The following CCND3 variants were observed in gnomAD, a reference collection of about 807,000 sequenced individuals.
CCND3 encodes cyclin D3, also known as G1/S-specific cyclin-D3.
A neutral mutation model predicts 28.7 loss-of-function variants in CCND3; 9 were observed. That is an observed-to-expected ratio of 0.31 (90% CI 0.19 to 0.55). CCND3 has a LOEUF of 0.55. Ranked by LOEUF, CCND3 falls within the 20% of genes least tolerant of loss-of-function variation. The pLI, the probability that CCND3 is intolerant of heterozygous loss-of-function variation, is 0.93. For synonymous variants in CCND3, 164 were observed against 163.9 expected (o/e 1.00, Z 0.00); for missense variants, 315 against 385.8 (o/e 0.82, Z 1.54).
At chr6:41,952,044 G>A (rs1776331205) in intron 1 of CCND3, among the ~76,000 whole-genome samples, 1 of 152,142 alleles carries the variant, frequency 6.6e-6, no homozygotes, top group Non-Finnish European at 1.5e-5. Context: ...TTACAGGCAT[G>A]AGCCACCACG....
chr6:41,936,003 G>A lies in CCND3; in HGVS notation c.816C>T (p.Gly272=). 6.2e-7 allele frequency: 1 copy of A among 1,613,514 alleles called. No homozygotes were observed. The highest frequency in any genetic ancestry group is 8.5e-7 in the Non-Finnish European group (1 of 1,179,804). ...SSSPAPKAPR[G]SSSQGPSQTS... is the part of the protein sequence containing the mutation. ...TCTGGCTGGGCCCTTGGCTGCTGGA[G>A]CCCCGGGGGGCTTTGGGCGCTGGGC... The change falls in exon 5 of 5, where the codon GGC becomes GGT. Residue 272 remains glycine, a synonymous_variant. Transcript: ENST00000372991. The surrounding 1 kb of genome is among the most constrained non-coding windows in gnomAD (Gnocchi z 4.4).
At chr6:41,986,020 T>C (rs148261419) in intron 1 of CCND3, among the ~76,000 whole-genome samples, 186 of 152,178 alleles carry the variant, frequency 1.2e-3, no homozygotes, top group African/African-American at 4.3e-3. Context: ...CCCAAAACCA[T>C]TTATTGAAGA....
chr6:41,990,601 T>G (rs537675628), intron 1 of CCND3, among the ~76,000 whole-genome samples: 1 of 148,634 alleles, frequency 6.7e-6, no homozygotes, highest in African/African-American at 2.5e-5. Context: ...AATAGACACA[T>G]AAACCAATAG....
At chr6:42,016,545 G>A (rs1763518699) in intron 1 of CCND3, among the ~76,000 whole-genome samples, 1 of 151,096 alleles carries the variant, frequency 6.6e-6, no homozygotes, top group South Asian at 2.1e-4. Context: ...ACGGTGCCTA[G>A]CATATGGTAA....
intron 1 of CCND3, among the ~76,000 whole-genome samples, chr6:41,961,625 C>A (rs187346828): frequency 6.6e-6 from 1 of 151,974 alleles, no homozygotes; most frequent in South Asian, 2.1e-4. Context: ...GTTAGCCTTC[C>A]GAACTGCTCC....
rs367556829 is a variant in CCND3 at position 42,048,683 on chromosome 6, G to T, written c.-228C>A. 1.5e-5 allele frequency: 8 copies of T among 517,956 alleles called. No individual in the cohort carries two copies. The highest frequency in any genetic ancestry group is 5.8e-5 in the Admixed American group (3 of 51,450). 32.1% of individuals were successfully genotyped at this position (517,956 alleles called of 1,614,324 possible). A position where few individuals can be genotyped will look rare whatever the true frequency, so the allele number is the denominator to read the frequency against. ...CAGTCTCCACCCCTGCAGTGGCGAA[G>T]TGTTTACAAAGTCCGCGCCGCGCCG... On this transcript the variant is annotated 5_prime_UTR_variant, in exon 1 of 5. Transcript: ENST00000372988. The surrounding 1 kb of genome is among the most constrained non-coding windows in gnomAD (Gnocchi z 4.7).
intron 1 of CCND3, among the ~76,000 whole-genome samples, chr6:41,952,579 G>A (rs933152939): frequency 1.3e-4 from 20 of 152,264 alleles, no homozygotes; most frequent in African/African-American, 4.8e-4. Flanking sequence ...TTTGTGGGAG[G>A]GCGCGATGGA....
At chr6:41,982,418 T>G (rs9369318) in intron 1 of CCND3, among the ~76,000 whole-genome samples, 31,390 of 152,010 alleles carry the variant, frequency 0.21, 3,577 homozygotes, top group Non-Finnish European at 0.25. Context: ...GGTCTATATG[T>G]GGAAAACTAG....
chr6:41,958,816 G>C (rs778111164), intron 1 of CCND3, among the ~76,000 whole-genome samples: 1 of 152,136 alleles, frequency 6.6e-6, no homozygotes, highest in Non-Finnish European at 1.5e-5. Context: ...GTCTCAGTTC[G>C]GAAACAAGTG....
intron 1 of CCND3, among the ~76,000 whole-genome samples, chr6:41,987,477 TTCTCTC>T (rs71544258): frequency 6.2e-4 from 79 of 126,472 alleles, no homozygotes; most frequent in African/African-American, 2.2e-3. Flanking sequence ...GACCAGGCTT[TTCTCTC>T]TCTCTCTCTC....
At chr6:41,964,469 T>A (rs1174204806) in intron 1 of CCND3, among the ~76,000 whole-genome samples, 1 of 134,770 alleles carries the variant, frequency 7.4e-6, no homozygotes, top group Non-Finnish European at 1.5e-5. Flanking sequence ...TGTGAGTGTG[T>A]GTGTGAGTGT....
At chr6:41,950,629 G>A (rs1776282919) in intron 1 of CCND3, among the ~76,000 whole-genome samples, 1 of 152,020 alleles carries the variant, frequency 6.6e-6, no homozygotes. Context: ...CTTATCATGT[G>A]CCTTCCATAC....
intron 1 of CCND3, among the ~76,000 whole-genome samples, chr6:42,017,203 C>T (rs1056189601): frequency 3.9e-5 from 6 of 152,354 alleles, no homozygotes; most frequent in African/African-American, 1.4e-4. Context: ...GCCTGCAGTG[C>T]CCATGGTCCC....
At chr6:41,965,058 CTTTTTTT>C (rs56138276) in intron 1 of CCND3, among the ~76,000 whole-genome samples, 6 of 82,116 alleles carry the variant, frequency 7.3e-5, no homozygotes, top group African/African-American at 3.2e-4. Context: ...TTTCACGTTG[CTTTTTTT>C]TTTTTTTTTT....
intron 1 of CCND3, among the ~76,000 whole-genome samples, chr6:42,043,038 G>C (rs140639397): frequency 6.6e-6 from 1 of 152,280 alleles, no homozygotes; most frequent in Non-Finnish European, 1.5e-5. Context: ...AGCCACAGAT[G>C]GGCTGTGTGT....
intron 1 of CCND3, among the ~76,000 whole-genome samples, chr6:42,045,098 C>T (rs1764504519): frequency 6.6e-6 from 1 of 152,012 alleles, no homozygotes; most frequent in Admixed American, 6.6e-5. Flanking sequence ...GCCACTGTGC[C>T]CAGTGGCTAT....
In CCND3 at chr6:42,010,978, A is replaced by C. The variant is rs186408603; in HGVS notation, c.-46+37523T>G. 6 of 152,308 alleles carry C rather than the reference A, an allele frequency of 3.9e-5. No homozygotes were observed. In the East Asian group the frequency reaches 9.6e-4, roughly 24 times the overall value. The allele number at this position is 152,308 out of a possible 1,614,324, so 9.4% of individuals were successfully genotyped here. ...CTCTTGGTCTGTCCTCCATAGAAAC[A>C]CTTCAGGAGTTCATCCAAGCAGTCA... On this transcript the variant is annotated intron_variant, in intron 1 of 4. Coordinates refer to the CCND3 transcript ENST00000372988.
At chr6:42,026,999 C>T (rs1304143378) in intron 1 of CCND3, among the ~76,000 whole-genome samples, 5 of 152,198 alleles carry the variant, frequency 3.3e-5, no homozygotes, top group Admixed American at 3.3e-4. Context: ...AGCCTAACCT[C>T]CCCTAGTTCC....
chr6:41,976,986 C>T (rs755533282), intron 1 of CCND3, among the ~76,000 whole-genome samples: 1 of 152,170 alleles, frequency 6.6e-6, no homozygotes, highest in Non-Finnish European at 1.5e-5. Flanking sequence ...AACCGTACAA[C>T]AGTTGTAGCA....
Sources: gnomAD v4.1 joint callset for allele counts (sites outside exome capture counted in the v4.1 genomes callset) on GRCh38, gnomAD v4.1.1 for gene constraint, Gnocchi (gnomAD v3.1) non-coding constraint, MANE v1.5 for transcripts, NCBI Gene and HGNC (gene_info 2026-07-23, HGNC 2026-07-21) for gene names.